Variants in ANKEF1 observed in about 807,000 individuals in gnomAD.
ANKEF1 encodes ankyrin repeat and EF-hand domain containing 1, also known as ankyrin repeat and EF-hand domain-containing protein 1.
ANKEF1 carries 43 observed loss-of-function variants against 65.1 expected under a neutral mutation model. The ratio of observed to expected loss-of-function variants is 0.66; its 90% confidence interval spans 0.52 to 0.85. The LOEUF is 0.85. Among genes scored for constraint, ANKEF1 ranks in the 40% least tolerant of loss-of-function variants. The pLI, the probability that ANKEF1 is intolerant of heterozygous loss-of-function variation, is 0.00. For synonymous variants in ANKEF1, 316 were observed against 341.5 expected, an observed-to-expected ratio of 0.93 and a Z score of 0.82; for missense variants, 934 against 952.9, an observed-to-expected ratio of 0.98 and a Z score of 0.26.
chr20:10,053,098 T>G lies in ANKEF1; in HGVS notation c.1871-14T>G, dbSNP rs1600525311. 6.4e-7 allele frequency: 1 copy of G among 1,568,738 alleles called. No individual in the cohort carries two copies. On this transcript the variant is annotated splice_polypyrimidine_tract_variant and intron_variant, in intron 8 of 10. Transcript: ENST00000378392. ...GTTTATAGTCACTCTGAATTTATGTTTATGTTTCAACAGGGCATAGTGCCA... is the reference window on the plus strand; with the variant it reads ...GTTTATAGTCACTCTGAATTTATGTGTATGTTTCAACAGGGCATAGTGCCA...
chr20:10,053,380 A>G lies in ANKEF1; in HGVS notation c.2034+105A>G, dbSNP rs1226583774. The stretch of plus-strand genomic sequence containing the variant: ...CATATTGTTATACAACATGGGTAAG[A>G]TAATATGCAGTGCATACTTTCAATA... On this transcript the variant is annotated intron_variant, in intron 9 of 10. Transcript: ENST00000378392. 7.0e-6 allele frequency: 7 copies of G among 996,476 alleles called. No individual in the cohort carries two copies. In the East Asian group the frequency reaches 7.3e-5, roughly 10 times the overall value. 61.7% of individuals were successfully genotyped at this position (996,476 alleles called of 1,614,324 possible).
At position 10,054,534 on chromosome 20, in the gene ANKEF1, C is replaced by T; in HGVS notation, c.2107C>T (p.His703Tyr). The T allele has an allele frequency of 6.2e-7, 1 of 1,608,204 alleles. No individual in the cohort carries two copies. Among genetic ancestry groups the T allele is most frequent in the African/African-American group, 1.3e-5 (1 of 74,662 alleles). ...GKKVQKGNVV[H>Y]LNSLITSGYT... ...GAAAGTACAGAAGGGTAATGTGGTT[C>T]ATCTGAATTCATTGATTACCAGTGG... The change falls in exon 10 of 11, where the codon CAT becomes TAT. Residue 703 changes from histidine to tyrosine, a missense_variant. By Grantham distance (83) the His-to-Tyr change is moderately conservative. Coordinates refer to ENST00000378392, the MANE Select transcript of ANKEF1 (RefSeq NM_022096.6).
intron 8 of ANKEF1, among the ~76,000 whole-genome samples, chr20:10,052,873 A>T (rs889403221): frequency 6.6e-6 from 1 of 152,190 alleles, no homozygotes; most frequent in African/African-American, 2.4e-5. Context: ...TAGTAAAAAA[A>T]AAACTAAGGA....
At chr20:10,046,009 G>A (rs1984505151) in intron 6 of ANKEF1, among the ~76,000 whole-genome samples, 1 of 152,108 alleles carries the variant, frequency 6.6e-6, no homozygotes, top group South Asian at 2.1e-4. Context: ...GGTGGCTCAT[G>A]CCTGTAATCC....
intron 9 of ANKEF1, 89 bp from the exon 10 acceptor site, chr20:10,054,373 G>T: frequency 9.4e-7 from 1 of 1,060,974 alleles, no homozygotes; most frequent in South Asian, 2.2e-5. Flanking sequence ...GTTTCTTTCT[G>T]GCTTCAGAGT....
At position 10,038,624 on chromosome 20, in the gene ANKEF1, C is replaced by G. The variant is rs763224154; in HGVS notation, c.323C>G (p.Thr108Ser). Residue 108 changes from threonine (T) to serine (S), a missense_variant, in exon 3 of 11, where the codon ACT becomes AGT. By Grantham distance (58) the Thr-to-Ser change is moderately conservative. Transcript: ENST00000378392. ...EILAKAKADM[T>S]IVDNEGKGVL... ...TTAGCAAAGGCAAAGGCTGATATGA[C>G]TATAGTTGATAATGAAGGAAAAGGT... The G allele has an allele frequency of 1.9e-6, 3 of 1,598,868 alleles. No homozygotes were observed. The highest frequency in any genetic ancestry group is 2.6e-6 in the Non-Finnish European group (3 of 1,168,562).
In ANKEF1 at chr20:10,045,596, A is replaced by G. The variant is rs149683797; in HGVS notation, c.719A>G (p.Tyr240Cys). 8.1e-6 allele frequency: 13 copies of G among 1,613,626 alleles called. No homozygotes were observed. Among genetic ancestry groups the G allele is most frequent in the African/African-American group, 5.3e-5 (4 of 74,894 alleles). Reference sequence around the variant, plus strand: ...CAGATATTGAAGCTTCTTTTTGCCTACAATGGAGACGTGGGGCTGATTTCG... The same window carrying G: ...CAGATATTGAAGCTTCTTTTTGCCTGCAATGGAGACGTGGGGCTGATTTCG... ...FFDILKLLFA[Y>C]NGDVGLISIN... is the part of the protein sequence containing the mutation. Residue 240 changes from tyrosine to cysteine, a missense_variant, in exon 6 of 11, where the codon TAC (tyrosine) becomes TGC (cysteine). Transcript: ENST00000378392.
chr20:10,047,731 C>T (rs1451896384), intron 6 of ANKEF1, among the ~76,000 whole-genome samples: 1 of 152,160 alleles, frequency 6.6e-6, no homozygotes, highest in Non-Finnish European at 1.5e-5. Flanking sequence ...AGTTGAACAA[C>T]TTTACCACAG....
At chr20:10,037,341 G>A (rs900412926) in intron 2 of ANKEF1, among the ~76,000 whole-genome samples, 2 of 152,012 alleles carry the variant, frequency 1.3e-5, no homozygotes, top group African/African-American at 4.8e-5. Flanking sequence ...AGCTACCTGC[G>A]CCCCAGCCCC....
At chr20:10,035,714 CGGAT>C (rs1983799996) in intron 2 of ANKEF1, 72 bp downstream of exon 2, 1 of 152,144 alleles carries the variant, frequency 6.6e-6, no homozygotes, top group Non-Finnish European at 1.5e-5. Flanking sequence ...AGGATCACAA[CGGAT>C]TTCCCCACCT....
intron 3 of ANKEF1, among the ~76,000 whole-genome samples, chr20:10,041,334 C>A (rs758323745): frequency 3.1e-4 from 47 of 151,036 alleles, no homozygotes; most frequent in African/African-American, 1.1e-3. Flanking sequence ...TAACTTGATA[C>A]TTCATATGCC....
rs1032066179 is a variant in ANKEF1, at chr20:10,044,603, A to C, written c.696+60A>C. On this transcript the variant is annotated intron_variant, in intron 5 of 10. Transcript: ENST00000378392. ...TAAAACTTTTCTGTCCTTTTTCTCAAATTTTTTTATATGTCATATAGAGTA... is the reference window on the plus strand; with the variant it reads ...TAAAACTTTTCTGTCCTTTTTCTCACATTTTTTTATATGTCATATAGAGTA... 3.8e-5 allele frequency: 60 copies of C among 1,590,808 alleles called. No individual in the cohort carries two copies. The African/African-American group carries it at 7.6e-4, about 20-fold the overall frequency.
Position 10,051,714 on chromosome 20 carries a change from A to G in ANKEF1, c.1695A>G (p.Ala565=), listed in dbSNP as rs149147110. The change falls in exon 8 of 11, where the codon GCA becomes GCG. Residue 565 remains alanine, a synonymous_variant. Coordinates refer to ENST00000378392, the MANE Select transcript of ANKEF1 (RefSeq NM_022096.6). ...TTCTGTGGACTCCACTTCATTTTGCATGCCATGCAGGCCAACAAGACATTG... is the reference window on the plus strand; with the variant it reads ...TTCTGTGGACTCCACTTCATTTTGCGTGCCATGCAGGCCAACAAGACATTG... ...DNFLWTPLHF[A]CHAGQQDIVE... is the part of the protein sequence containing the mutation. The G allele has an allele frequency of 2.3e-4, 365 of 1,613,684 alleles. No individual in the cohort carries two copies. Among genetic ancestry groups the G allele is most frequent in the Non-Finnish European group, 2.7e-4 (315 of 1,179,834 alleles).
At position 10,049,712 on chromosome 20, in the gene ANKEF1, T is replaced by C; in HGVS notation, c.1143T>C (p.Leu381=). Residue 381 remains leucine, a synonymous_variant, in exon 7 of 11, where the codon CTT becomes CTC. Coordinates refer to ENST00000378392, the MANE Select transcript of ANKEF1 (RefSeq NM_022096.6). ...AACAGCTGGCTGCCATCGCTCACCT[T>C]CATGAGAAAACCCGGGGAGGAGGGG... is the stretch of plus-strand genomic sequence containing the variant. ...SSEQLAAIAH[L]HEKTRGGGVN... is the part of the protein sequence containing the mutation. The C allele has an allele frequency of 1.2e-6, 2 of 1,614,102 alleles. No homozygotes were observed. The highest frequency in any genetic ancestry group is 2.2e-5 in the South Asian group (2 of 91,080).
At chr20:10,054,300 C>T (rs907766847) in intron 9 of ANKEF1, among the ~76,000 whole-genome samples, 162 bp from the exon 10 acceptor site, 6 of 152,132 alleles carry the variant, frequency 3.9e-5, no homozygotes, top group African/African-American at 1.4e-4. Flanking sequence ...CTCTCCCCAT[C>T]CCCAAAGTTA....
At chr20:10,040,426 C>A (rs928858029) in intron 3 of ANKEF1, among the ~76,000 whole-genome samples, 1 of 152,226 alleles carries the variant, frequency 6.6e-6, no homozygotes, top group Non-Finnish European at 1.5e-5. Context: ...GGATGTGAGA[C>A]ATGCCCTAGG....
At chr20:10,051,188 A>G (rs1025383041) in intron 7 of ANKEF1, among the ~76,000 whole-genome samples, 1 of 152,220 alleles carries the variant, frequency 6.6e-6, no homozygotes, top group Admixed American at 6.5e-5. Context: ...TCTTATTAGT[A>G]CTTTAATGTT....
intron 6 of ANKEF1, among the ~76,000 whole-genome samples, chr20:10,048,147 A>G (rs1318441935): frequency 1.3e-5 from 2 of 152,292 alleles, no homozygotes; most frequent in South Asian, 2.1e-4. Flanking sequence ...TAGAAATTTT[A>G]TAACCTTTAT....
chr20:10,055,581 A>G lies in ANKEF1; in HGVS notation c.2252A>G (p.Asp751Gly). Reference protein sequence around the residue: ...LRRERFTHEVDFDDFMMPFQK... With the variant: ...LRRERFTHEVGFDDFMMPFQK... ...CGAGAGAGGTTTACACATGAGGTGG[A>G]CTTCGACGATTTTATGATGCCTTTT... The change falls in exon 11 of 11, where the codon GAC (aspartate) becomes GGC (glycine). Residue 751 changes from aspartate to glycine, a missense_variant. Transcript: ENST00000378392. 1 of 1,613,856 alleles carries G rather than the reference A, an allele frequency of 6.2e-7. No individual in the cohort carries two copies.
Sources: allele counts gnomAD v4.1 joint callset (sites outside exome capture counted in the v4.1 genomes callset), GRCh38; gene constraint gnomAD v4.1.1; transcripts MANE v1.5; gene names NCBI Gene and HGNC (gene_info 2026-07-23, HGNC 2026-07-21).